The following DZANK1 variants were observed in gnomAD, a reference collection of about 807,000 sequenced individuals.
The protein encoded by DZANK1 is double zinc ribbon and ankyrin repeat-containing protein 1.
Under a neutral mutation model 94.5 loss-of-function variants are expected in DZANK1, and 91 were observed. The ratio of observed to expected loss-of-function variants is 0.96; its 90% CI spans 0.81 to 1.15. The LOEUF is 1.15. DZANK1 is among the 50% of genes most tolerant of loss of function. The probability of loss-of-function intolerance (pLI) is 0.00; values close to 1 mark genes in which losing one functional copy is unlikely to be tolerated. For synonymous variants in DZANK1, 312 were observed against 325.3 expected (o/e 0.96, Z 0.44); for missense variants, 903 against 916.4 (o/e 0.99, Z 0.19).
intron 6 of DZANK1, among the ~76,000 whole-genome samples, chr20:18,449,801 G>A (rs764323405): frequency 4.0e-5 from 6 of 150,456 alleles, no homozygotes; most frequent in Non-Finnish European, 7.4e-5. Context: ...AAACTCGGCT[G>A]GGCACAGTGG....
chr20:18,447,361 A>G (rs1351910487), intron 7 of DZANK1, among the ~76,000 whole-genome samples: 1 of 152,130 alleles, frequency 6.6e-6, no homozygotes, highest in African/African-American at 2.4e-5. Flanking sequence ...TGCCTCTGTC[A>G]TCCAGGCTGG....
chr20:18,400,633 G>A (rs1482680160), intron 13 of DZANK1, among the ~76,000 whole-genome samples: 1 of 152,222 alleles, frequency 6.6e-6, no homozygotes, highest in Non-Finnish European at 1.5e-5. Flanking sequence ...CTGAAAACAA[G>A]CAGGCTGAGA....
At chr20:18,408,938 C>A (rs2148399931) in intron 13 of DZANK1, among the ~76,000 whole-genome samples, 1 of 152,102 alleles carries the variant, frequency 6.6e-6, no homozygotes, top group South Asian at 2.1e-4. Flanking sequence ...ATGAACCAAT[C>A]AAAAATAATA....
At position 18,393,744 on chromosome 20, in the gene DZANK1, G is replaced by A. The variant is rs937487843; in HGVS notation, c.1776C>T (p.Thr592=). The change falls in exon 17 of 21, where the codon ACC becomes ACT. Residue 592 remains threonine, a synonymous_variant. Transcript: ENST00000262547. ...GCTCCTTCTTTTCTTGAAAAGTTTT[G>A]GTCTTGAAATTCTTTATCCTTTTGA... The A allele has an allele frequency of 6.8e-6, 11 of 1,612,278 alleles. No homozygotes were observed. The African/African-American group carries it at 1.3e-4, about 20-fold the overall frequency.
intron 13 of DZANK1, among the ~76,000 whole-genome samples, chr20:18,399,963 T>G (rs1292454135): frequency 1.3e-5 from 2 of 152,160 alleles, no homozygotes; most frequent in African/African-American, 4.8e-5. Context: ...CATGGTTCAG[T>G]GGAAAGAGAA....
chr20:18,466,538 C>A (rs2059661449), intron 1 of DZANK1, among the ~76,000 whole-genome samples: 2 of 152,172 alleles, frequency 1.3e-5, no homozygotes, highest in South Asian at 4.1e-4. Flanking sequence ...TGTGGCTGGA[C>A]TTGAGACTTG....
intron 11 of DZANK1, 143 bp downstream of exon 11, chr20:18,415,184 C>G (rs2057430071): frequency 1.4e-5 from 11 of 808,142 alleles, no homozygotes; most frequent in Non-Finnish European, 1.9e-5. Context: ...TTAATTATCT[C>G]TATCTCCAGA....
intron 8 of DZANK1, among the ~76,000 whole-genome samples, chr20:18,435,343 C>T (rs1402373019): frequency 6.6e-6 from 1 of 152,156 alleles, no homozygotes; most frequent in African/African-American, 2.4e-5. Flanking sequence ...TTGGAACCAA[C>T]CCAAATGCCC....
At chr20:18,423,502 A>G (rs905542577) in intron 10 of DZANK1, among the ~76,000 whole-genome samples, 2 of 152,224 alleles carry the variant, frequency 1.3e-5, no homozygotes, top group Non-Finnish European at 2.9e-5. Context: ...ATATTTATAG[A>G]ATACGCAACA....
chr20:18,429,652 C>A (rs906032685), intron 9 of DZANK1, among the ~76,000 whole-genome samples: 1 of 152,200 alleles, frequency 6.6e-6, no homozygotes, highest in Admixed American at 6.5e-5. Flanking sequence ...CGTTTAAATA[C>A]CTTTCCCTGC....
At chr20:18,423,287 T>C (rs932104214) in intron 10 of DZANK1, among the ~76,000 whole-genome samples, 7 of 152,222 alleles carry the variant, frequency 4.6e-5, no homozygotes, top group Non-Finnish European at 1.0e-4. Flanking sequence ...TCTCAGAATG[T>C]TTCCCTGTCA....
At chr20:18,433,848 A>G (rs2148622278) in intron 8 of DZANK1, 83 bp from the exon 9 acceptor site, 2 of 1,223,178 alleles carry the variant, frequency 1.6e-6, no homozygotes, top group Non-Finnish European at 2.4e-6. Flanking sequence ...TTTGGTCTAC[A>G]GCCGTACCAC....
chr20:18,444,449 C>A lies in DZANK1; in HGVS notation c.630-985G>T, dbSNP rs187389250. Among the ~76,000 whole-genome samples the A allele has an allele frequency of 9.4e-4, 143 of 152,294 alleles. 2 individuals carry two copies. The highest frequency in any genetic ancestry group is 3.1e-3 in the African/African-American group (129 of 41,566). On this transcript the variant is annotated intron_variant, in intron 7 of 20. Transcript: ENST00000262547. ...TAACTGGAGCTTTCAGGAAAGAATACCAGAGAAGAGCTGCAGGGAGAGTTT... is the reference window on the plus strand; with the variant it reads ...TAACTGGAGCTTTCAGGAAAGAATAACAGAGAAGAGCTGCAGGGAGAGTTT...
exon 21 of DZANK1, chr20:18,384,112 T>G (rs1177175384): frequency 1.4e-5 from 3 of 209,594 alleles, no homozygotes; most frequent in Non-Finnish European, 2.8e-5. Context: ...CAGGCTGGAG[T>G]GCGATGGCGC....
intron 8 of DZANK1, among the ~76,000 whole-genome samples, chr20:18,436,203 TG>T (rs1184329094): frequency 5.3e-5 from 8 of 152,176 alleles, no homozygotes; most frequent in Non-Finnish European, 7.3e-5. Flanking sequence ...ATGATCTGAC[TG>T]GTAGGGAAGC....
At chr20:18,389,552 T>TA in intron 19 of DZANK1, 149 bp downstream of exon 19, 1 of 1,187,226 alleles carries the variant, frequency 8.4e-7, no homozygotes, top group Non-Finnish European at 1.1e-6. Flanking sequence ...CAGAAGGCGT[T>TA]AAGCCTCTTA....
rs543139781 is a variant in DZANK1 at position 18,417,707 on chromosome 20, T to A, written c.955-2258A>T. On this transcript the variant is annotated intron_variant, in intron 10 of 20. Transcript: ENST00000262547. ...GTATGTAACAGAAATCATCTTTTTT[T>A]AAAAAAAACTACAGATTTTTCCTTC... Among the ~76,000 whole-genome samples, 507 of 152,148 alleles carry A rather than the reference T, an allele frequency of 3.3e-3. 4 individuals carry two copies. The highest frequency in any genetic ancestry group is 0.012 in the African/African-American group (479 of 41,506).
chr20:18,447,953 C>T (rs1191657782), intron 7 of DZANK1, among the ~76,000 whole-genome samples: 2 of 152,022 alleles, frequency 1.3e-5, no homozygotes, highest in African/African-American at 2.4e-5. Flanking sequence ...GAAATGAAAA[C>T]GTGTATACAT....
chr20:18,456,702 ATTTG>A (rs1407512470), intron 3 of DZANK1, among the ~76,000 whole-genome samples: 4 of 112,544 alleles, frequency 3.6e-5, no homozygotes, highest in Non-Finnish European at 7.4e-5. Context: ...TTTTTTATTT[ATTTG>A]TTTTTTTTTG....
Sources: allele counts gnomAD v4.1 joint callset (sites outside exome capture counted in the v4.1 genomes callset), GRCh38; gene constraint gnomAD v4.1.1; transcripts MANE v1.5; gene names NCBI Gene and HGNC (gene_info 2026-07-23, HGNC 2026-07-21).